Variants in PCDHA6 observed in about 807,000 individuals in gnomAD.
PCDHA6 encodes protocadherin alpha-6.
Under a neutral mutation model 60.3 loss-of-function variants are expected in PCDHA6, and 55 were observed. The ratio of observed to expected loss-of-function variants is 0.91; its 90% confidence interval spans 0.73 to 1.14. The LOEUF (loss-of-function observed/expected upper bound fraction) is 1.14. Ranked by LOEUF, PCDHA6 falls within the 50% of genes most tolerant of loss-of-function variation. PCDHA6 has a pLI of 0.00. For missense variants in PCDHA6, 1,327 were observed against 1,256.5 expected (o/e 1.06, Z -0.85); for synonymous variants, 652 against 557.9 (o/e 1.17, Z -2.38).
At chr5:140,838,664 G>C (rs950566042) in intron 1 of PCDHA6, among the ~76,000 whole-genome samples, 1 of 152,010 alleles carries the variant, frequency 6.6e-6, no homozygotes, top group Non-Finnish European at 1.5e-5. Flanking sequence ...AACGGGGCAT[G>C]GTGGCACACA....
chr5:140,913,100 A>G (rs2076204390), intron 1 of PCDHA6, among the ~76,000 whole-genome samples: 1 of 152,186 alleles, frequency 6.6e-6, no homozygotes, highest in Non-Finnish European at 1.5e-5. Flanking sequence ...TACTGGCCTC[A>G]TAGAATCAGT....
At chr5:140,982,211 A>G (rs1554243869) in intron 2 of PCDHA6, 1 of 476,036 alleles carries the variant, frequency 2.1e-6, no homozygotes, top group African/African-American at 2.0e-5. Flanking sequence ...AGTGAGCGCC[A>G]CATGGCGTTA....
At position 140,967,010 on chromosome 5, in the gene PCDHA6, C is replaced by T. The variant is rs781936791; in HGVS notation, c.2395-11939C>T. 7 of 1,606,340 alleles carry T rather than the reference C, an allele frequency of 4.4e-6. No individual in the cohort carries two copies. In the South Asian group the frequency reaches 6.6e-5, roughly 15 times the overall value. On this transcript the variant is annotated intron_variant, in intron 1 of 3. Coordinates refer to ENST00000529310, the MANE Select transcript of PCDHA6 (RefSeq NM_018909.4). ...GCCGGGTTGCTTGCGCATCAACCAT[C>T]TGGGTGCGCCCAGTCCGCGCTACCT...
chr5:140,875,443 G>A, intron 1 of PCDHA6: 1 of 1,580,070 alleles, frequency 6.3e-7, no homozygotes. Flanking sequence ...AAAACTGATT[G>A]TCCCAACTCA....
chr5:141,004,144 A>C (rs1451902723), intron 3 of PCDHA6, among the ~76,000 whole-genome samples: 3 of 152,250 alleles, frequency 2.0e-5, no homozygotes, highest in Non-Finnish European at 2.9e-5. Context: ...CCCCAAAGGC[A>C]TGACATTTTA....
chr5:140,957,322 A>G (rs1356606026), intron 1 of PCDHA6, among the ~76,000 whole-genome samples: 4 of 152,202 alleles, frequency 2.6e-5, no homozygotes, highest in Admixed American at 2.0e-4. Context: ...AGGTGAGCAC[A>G]GTACAGTAAG....
At chr5:140,863,428 G>A (rs528139564) in intron 1 of PCDHA6, 7 of 657,564 alleles carry the variant, frequency 1.1e-5, no homozygotes, top group Non-Finnish European at 1.9e-5. Context: ...CAGCGTAGTG[G>A]GATCTGGTCT....
chr5:140,979,604 A>T (rs1326370777), intron 2 of PCDHA6, among the ~76,000 whole-genome samples: 1 of 152,204 alleles, frequency 6.6e-6, no homozygotes, highest in African/African-American at 2.4e-5. Context: ...AAATTAACCT[A>T]GAGTAACGGT....
chr5:140,883,844 G>A (rs1404353270), intron 1 of PCDHA6: 4 of 1,612,836 alleles, frequency 2.5e-6, no homozygotes, highest in East Asian at 2.2e-5. Context: ...GTTGGACCAC[G>A]AGGAGCTGGA....
chr5:140,914,510 A>G (rs900880100), intron 1 of PCDHA6, among the ~76,000 whole-genome samples: 1 of 152,100 alleles, frequency 6.6e-6, no homozygotes, highest in Non-Finnish European at 1.5e-5. Context: ...TCATTGGGTC[A>G]TGTTTTTTCA....
chr5:140,845,841 A>C (rs1160077154), intron 1 of PCDHA6, among the ~76,000 whole-genome samples: 1 of 149,848 alleles, frequency 6.7e-6, no homozygotes, highest in African/African-American at 2.4e-5. Flanking sequence ...CATTCTTAAG[A>C]GAAAAGAAGT....
chr5:141,000,894 ATAGACGCT>A (rs1348330251), intron 3 of PCDHA6, among the ~76,000 whole-genome samples: 1 of 152,128 alleles, frequency 6.6e-6, no homozygotes, highest in African/African-American at 2.4e-5. Context: ...GGCAACAGAT[ATAGACGCT>A]GTCTCTAAAA....
At chr5:140,870,402 T>G (rs782585618) in intron 1 of PCDHA6, 8 of 1,614,212 alleles carry the variant, frequency 5.0e-6, no homozygotes, top group Non-Finnish European at 5.1e-6. Flanking sequence ...GTTCGCCTTC[T>G]CTGTGGGCCA....
At chr5:140,830,934 C>A in intron 1 of PCDHA6, 1 of 152,356 alleles carries the variant, frequency 6.6e-6, no homozygotes, top group Admixed American at 6.5e-5. Context: ...TCTGTCGACA[C>A]TTTTATTAAG....
chr5:140,834,708 A>G lies in PCDHA6; in HGVS notation c.2394+4223A>G. ...GGAGTGCAGCATCCACCTGGAGGTG[A>G]TCGTGGAAAGGCCGCTGCAGGTTTT... On this transcript the variant is annotated intron_variant, in intron 1 of 3. Coordinates refer to ENST00000529310, the MANE Select transcript of PCDHA6 (RefSeq NM_018909.4). The G allele has an allele frequency of 2.5e-6, 4 of 1,614,234 alleles. No individual in the cohort carries two copies. In the South Asian group the frequency reaches 3.3e-5, roughly 13 times the overall value.
At chr5:140,861,768 T>TACAA (rs2047071882) in intron 1 of PCDHA6, 1 of 158,832 alleles carries the variant, frequency 6.3e-6, no homozygotes, top group Non-Finnish European at 1.4e-5. Flanking sequence ...TCCCTGGAAA[T>TACAA]ACCAAGAGCA....
At chr5:140,855,479 C>T (rs782343023) in intron 1 of PCDHA6, among the ~76,000 whole-genome samples, 3 of 149,758 alleles carry the variant, frequency 2.0e-5, no homozygotes, top group Non-Finnish European at 3.0e-5. Context: ...TGATGCTTGA[C>T]ATTAGTGTCT....
At chr5:140,918,977 AG>A (rs1226723076) in intron 1 of PCDHA6, among the ~76,000 whole-genome samples, 6 of 152,192 alleles carry the variant, frequency 3.9e-5, no homozygotes, top group African/African-American at 1.4e-4. Context: ...CGTTTAGGTT[AG>A]TTGGTTTTTA....
In PCDHA6 at chr5:140,857,461, C is replaced by T. The variant is rs1554150068; in HGVS notation, c.2394+26976C>T. 9 of 1,598,524 alleles carry T rather than the reference C, an allele frequency of 5.6e-6. 1 individual carries two copies. Among genetic ancestry groups the T allele is most frequent in the Non-Finnish European group, 7.7e-6 (9 of 1,167,928 alleles). On this transcript the variant is annotated intron_variant, in intron 1 of 3. Transcript: ENST00000529310. ...TGAAGGAGAACAACCCGCCAGGCTG[C>T]CACATCTTCACGGTGTCTGCGTGGG...
Sources: gnomAD v4.1 joint callset for allele counts (sites outside exome capture counted in the v4.1 genomes callset) on GRCh38, gnomAD v4.1.1 for gene constraint, MANE v1.5 for transcripts, NCBI Gene and HGNC (gene_info 2026-07-23, HGNC 2026-07-21) for gene names.